Variants in TPD52L1 observed in about 807,000 individuals in gnomAD.
TPD52L1 encodes the protein TPD52 like 1.
In TPD52L1, 18 loss-of-function variants were observed where a neutral mutation model predicts 28.7. The ratio of observed to expected loss-of-function variants is 0.63; its 90% CI spans 0.43 to 0.93. TPD52L1 has a LOEUF of 0.93. TPD52L1 is among the 40% of genes least tolerant of loss of function. The pLI is 0.00. For missense variants in TPD52L1, 203 were observed against 254.8 expected, an observed-to-expected ratio of 0.80 and a Z score of 1.39; for synonymous variants, 75 against 88.8, an observed-to-expected ratio of 0.84 and a Z score of 0.88.
chr6:125,261,040 GAA>G (rs201307825), intron 6 of TPD52L1: 2 of 136,200 alleles, frequency 1.5e-5, no homozygotes, highest in African/African-American at 6.5e-5. Flanking sequence ...AAGAAAGAAA[GAA>G]AGAAAGAAAA....
chr6:125,180,491 A>G (rs1040924015), intron 1 of TPD52L1, among the ~76,000 whole-genome samples: 4 of 152,110 alleles, frequency 2.6e-5, no homozygotes, highest in African/African-American at 9.7e-5. Flanking sequence ...ACTGACACAT[A>G]TAAGAATTTG....
chr6:125,162,135 G>T (rs1379080404), intron 1 of TPD52L1, among the ~76,000 whole-genome samples: 1 of 152,108 alleles, frequency 6.6e-6, no homozygotes, highest in Non-Finnish European at 1.5e-5. Flanking sequence ...GTATTATTAA[G>T]ACTATTCATA....
intron 1 of TPD52L1, among the ~76,000 whole-genome samples, chr6:125,178,620 A>G (rs1791969854): frequency 1.3e-5 from 2 of 150,716 alleles, no homozygotes; most frequent in South Asian, 4.2e-4. Context: ...GACTCCATCT[A>G]AAAACAAAAC....
intron 1 of TPD52L1, among the ~76,000 whole-genome samples, chr6:125,208,476 G>T (rs1794301041): frequency 6.6e-6 from 1 of 152,178 alleles, no homozygotes; most frequent in South Asian, 2.1e-4. Flanking sequence ...AGGGATTGGT[G>T]GAGGAGGGAG....
Position 125,231,630 on chromosome 6 carries a change from G to GT in TPD52L1, c.284+2366dup, listed in dbSNP as rs765196307. ...AGTTTTTGTTGTTGTTGTTGTTGTT[G>GT]TTGTTTGTTTGTTTGTTTATACGAC... On this transcript the variant is annotated intron_variant, in intron 3 of 6. Coordinates refer to ENST00000534000, the MANE Select transcript of TPD52L1 (RefSeq NM_003287.4). Among the ~76,000 whole-genome samples, 38 of 120,242 alleles carry GT rather than the reference G, an allele frequency of 3.2e-4. 1 individual carries two copies. In the South Asian group the frequency reaches 3.6e-3, roughly 11 times the overall value. 78.9% of individuals were successfully genotyped at this position (120,242 alleles called of 152,430 possible). A position where few individuals can be genotyped will look rare whatever the true frequency, so the allele number is the denominator to read the frequency against.
At chr6:125,224,470 C>CCTCTCTCTCT (rs58505448) in intron 2 of TPD52L1, among the ~76,000 whole-genome samples, 228 of 143,360 alleles carry the variant, frequency 1.6e-3, no homozygotes, top group African/African-American at 5.5e-3. Context: ...AGGCTCTGGG[C>CCTCTCTCTCT]CTCTCTCTCT....
At chr6:125,181,894 A>C (rs1792219068) in intron 1 of TPD52L1, among the ~76,000 whole-genome samples, 1 of 152,214 alleles carries the variant, frequency 6.6e-6, no homozygotes, top group South Asian at 2.1e-4. Flanking sequence ...AAGGTGTTTC[A>C]GGGATATTAG....
intron 1 of TPD52L1, among the ~76,000 whole-genome samples, chr6:125,183,313 A>G (rs1428027567): frequency 1.3e-5 from 2 of 152,178 alleles, no homozygotes; most frequent in Non-Finnish European, 2.9e-5. Context: ...CCCTGTCTCT[A>G]TTAAAAATAC....
chr6:125,154,241 C>T lies in TPD52L1; in HGVS notation c.19+271C>T, dbSNP rs943353613. ...CCGTGGAATGCTCTACCCTCTTCCG[C>T]AGCCAGTCGCCCCTGGCCTTCCCAA... On this transcript the variant is annotated intron_variant, in intron 1 of 6. Transcript: ENST00000534000. The T allele has an allele frequency of 5.6e-6, 7 of 1,259,474 alleles. No homozygotes were observed. The African/African-American group carries it at 9.3e-5, about 17-fold the overall frequency. The allele number at this position is 1,259,474 out of a possible 1,614,324, so 78.0% of individuals were successfully genotyped here.
intron 3 of TPD52L1, among the ~76,000 whole-genome samples, chr6:125,229,652 A>T (rs1042708656): frequency 1.3e-5 from 2 of 152,222 alleles, no homozygotes; most frequent in Non-Finnish European, 2.9e-5. Flanking sequence ...CTCACTATGT[A>T]TGTCTTCCAA....
chr6:125,210,090 A>G (rs888328861), intron 1 of TPD52L1, among the ~76,000 whole-genome samples: 3 of 152,240 alleles, frequency 2.0e-5, no homozygotes, highest in Non-Finnish European at 2.9e-5. Flanking sequence ...GCTTATTTTT[A>G]GGATAAAGAG....
intron 1 of TPD52L1, among the ~76,000 whole-genome samples, chr6:125,185,796 C>G (rs1792564275): frequency 6.6e-6 from 1 of 151,808 alleles, no homozygotes; most frequent in Admixed American, 6.6e-5. Flanking sequence ...TGAAACCTTT[C>G]TCTAGAGAAA....
At chr6:125,168,330 C>T (rs73771229) in intron 1 of TPD52L1, among the ~76,000 whole-genome samples, 2,570 of 152,176 alleles carry the variant, frequency 0.017, 78 homozygotes, top group African/African-American at 0.059. Context: ...AACCTCTCCC[C>T]TCAGATGATT....
chr6:125,174,319 A>T (rs77088874), intron 1 of TPD52L1, among the ~76,000 whole-genome samples: 3,190 of 152,290 alleles, frequency 0.021, 55 homozygotes, highest in Non-Finnish European at 0.033. Flanking sequence ...TATAGCAGTT[A>T]GGTGTCAAGT....
intron 1 of TPD52L1, among the ~76,000 whole-genome samples, chr6:125,211,528 G>C (rs1186276732): frequency 6.6e-6 from 1 of 152,186 alleles, no homozygotes; most frequent in African/African-American, 2.4e-5. Flanking sequence ...GGAGGTGACA[G>C]TATGACTTGC....
chr6:125,212,134 C>T (rs1423374971), intron 1 of TPD52L1, among the ~76,000 whole-genome samples: 1 of 152,036 alleles, frequency 6.6e-6, no homozygotes, highest in Admixed American at 6.6e-5. Flanking sequence ...TTTTACCAAA[C>T]ATCATGAAGA....
rs1053550388 is a variant in TPD52L1 at position 125,263,609 on chromosome 6, T to C, written c.*647T>C. On this transcript the variant is annotated 3_prime_UTR_variant, in exon 7 of 7. Transcript: ENST00000534000. ...CGGCTCACACCTGTAATCCCAACTA[T>C]TTTGGATGCCAAGGTGAGAGGATTG... is the stretch of plus-strand genomic sequence containing the variant. 6.5e-6 allele frequency: 1 copy of C among 152,742 alleles called. No homozygotes were observed. The highest frequency in any genetic ancestry group is 1.9e-4 in the East Asian group (1 of 5,200). The allele number at this position is 152,742 out of a possible 1,614,324, so 9.5% of individuals were successfully genotyped here.
At chr6:125,154,543 G>GC (rs1789986097) in intron 1 of TPD52L1, 1 of 938,168 alleles carries the variant, frequency 1.1e-6, no homozygotes, top group African/African-American at 2.8e-5. Flanking sequence ...GTGAGTCCCG[G>GC]TTTCCGCGAT....
chr6:125,220,026 G>T, intron 1 of TPD52L1, 52 bp from the exon 2 acceptor site: 1 of 1,287,688 alleles, frequency 7.8e-7, no homozygotes, highest in African/African-American at 1.5e-5. Flanking sequence ...AGCAGAAGTT[G>T]GTTTAAATTC....
Sources: allele counts gnomAD v4.1 joint callset (sites outside exome capture counted in the v4.1 genomes callset), GRCh38; gene constraint gnomAD v4.1.1; transcripts MANE v1.5; gene names NCBI Gene and HGNC (gene_info 2026-07-23, HGNC 2026-07-21).